Variants in LYST observed in about 807,000 individuals in gnomAD.
LYST encodes the protein lysosomal-trafficking regulator.
LYST carries 192 observed loss-of-function variants against 413.6 expected under a neutral mutation model. The ratio of observed to expected loss-of-function variants is 0.46; its 90% confidence interval spans 0.41 to 0.52. The LOEUF (loss-of-function observed/expected upper bound fraction) is 0.52, where lower values mean the gene tolerates loss of function less well. Ranked by LOEUF, LYST falls within the 20% of genes least tolerant of loss-of-function variation. LYST has a pLI of 0.00. For synonymous variants in LYST, 1,525 were observed against 1,567.3 expected, an observed-to-expected ratio of 0.97 and a Z score of 0.64; for missense variants, 3,815 against 4,499.9, an observed-to-expected ratio of 0.85 and a Z score of 4.35.
chr1:235,729,224 T>G (rs1473833558), intron 37 of LYST, among the ~76,000 whole-genome samples: 3 of 152,234 alleles, frequency 2.0e-5, no homozygotes, highest in African/African-American at 7.2e-5. Context: ...ATGGACAATC[T>G]TAAAATAGAC....
chr1:235,806,473 G>A lies in LYST; in HGVS notation c.2663C>T (p.Thr888Ile). ...GTTGATATGAACATCTTGGTTAACA[G>A]TCTTCCGTCTCTTTGGATAAGCTTC... ...LKEAYPKRRK[T>I]VNQDVHINTI... The change falls in exon 6 of 53, where the codon ACT (threonine) becomes ATT (isoleucine). Residue 888 changes from threonine to isoleucine, a missense_variant. Coordinates refer to ENST00000389793, the MANE Select transcript of LYST (RefSeq NM_000081.4). 1 of 1,614,100 alleles carries A rather than the reference G, an allele frequency of 6.2e-7. No individual in the cohort carries two copies. Among genetic ancestry groups the A allele is most frequent in the South Asian group, 1.1e-5 (1 of 91,084 alleles).
chr1:235,669,723 A>G (rs1658777606), intron 50 of LYST, among the ~76,000 whole-genome samples: 1 of 152,214 alleles, frequency 6.6e-6, no homozygotes, highest in Non-Finnish European at 1.5e-5. Context: ...CAGGCCCTTG[A>G]GCCGCTGCTT....
chr1:235,783,320 A>G (rs1670059254), intron 14 of LYST, among the ~76,000 whole-genome samples: 1 of 152,058 alleles, frequency 6.6e-6, no homozygotes, highest in South Asian at 2.1e-4. Context: ...ATTCAATGAC[A>G]TACTTCTCCT....
At chr1:235,737,958 T>TATCATTAAAAA in intron 31 of LYST, 4 of 1,280,910 alleles carry the variant, frequency 3.1e-6, no homozygotes, top group South Asian at 4.9e-5. Flanking sequence ...CCGCCGGACG[T>TATCATTAAAAA]GCATTCTCGA....
rs769284838 is a variant in LYST at position 235,792,031 on chromosome 1, T to G, written c.4211A>C (p.Asn1404Thr). ...YLTFPLLHAPNLSNGVSSQKY... is the reference protein window; with the variant it reads ...YLTFPLLHAPTLSNGVSSQKY... ...TTGTGATGAAACACCGTTGCTTAAA[T>G]TTGGAGCGTGCAGTAAAGGGAAGGT... Residue 1404 changes from asparagine to threonine, a missense_variant, in exon 12 of 53, where the codon AAT (asparagine) becomes ACT (threonine). Around this residue, in one of 4 missense-constraint regions of LYST, gnomAD observed 1,648 missense variants for 1,810.3 expected, o/e 0.91. Coordinates refer to ENST00000389793, the MANE Select transcript of LYST (RefSeq NM_000081.4). 6.2e-7 allele frequency: 1 copy of G among 1,614,060 alleles called. No homozygotes were observed. Among genetic ancestry groups the G allele is most frequent in the South Asian group, 1.1e-5 (1 of 91,084 alleles).
At chr1:235,817,519 A>C (rs1443396465) in intron 3 of LYST, among the ~76,000 whole-genome samples, 3 of 152,224 alleles carry the variant, frequency 2.0e-5, no homozygotes, top group Admixed American at 2.0e-4. Context: ...ATACATCATG[A>C]AATACTGTGC....
chr1:235,701,204 C>T (rs1661517374), intron 45 of LYST, among the ~76,000 whole-genome samples: 1 of 152,154 alleles, frequency 6.6e-6, no homozygotes, highest in South Asian at 2.1e-4. Context: ...AGGCTGGTAC[C>T]ATGTTCCCAC....
chr1:235,880,613 T>C (rs1280461304), intron 1 of LYST, among the ~76,000 whole-genome samples: 1 of 152,210 alleles, frequency 6.6e-6, no homozygotes, highest in Non-Finnish European at 1.5e-5. Flanking sequence ...TTACTGTCTG[T>C]TTTTACCAAG....
chr1:235,750,709 T>C (rs1666405260), intron 28 of LYST, among the ~76,000 whole-genome samples: 1 of 152,228 alleles, frequency 6.6e-6, no homozygotes, highest in Non-Finnish European at 1.5e-5. Context: ...CATTCTTCCT[T>C]ATTTAATATC....
intron 22 of LYST, among the ~76,000 whole-genome samples, chr1:235,760,096 A>C (rs977469109): frequency 6.6e-6 from 1 of 152,158 alleles, no homozygotes; most frequent in African/African-American, 2.4e-5. Flanking sequence ...GTGAAACTCA[A>C]TTTACCTCAG....
rs375114961 is a variant in LYST, at chr1:235,738,137, C to T, written c.8358+3285G>A. Reference sequence around the variant, plus strand: ...GTATCTTAATGAAGGACTTGGCAGGCGAACTTGCTCTTGTTGATGTCATGG... The same window carrying T: ...GTATCTTAATGAAGGACTTGGCAGGTGAACTTGCTCTTGTTGATGTCATGG... On this transcript the variant is annotated intron_variant, in intron 31 of 52. Transcript: ENST00000389793. The T allele has an allele frequency of 1.7e-5, 26 of 1,570,920 alleles. No individual in the cohort carries two copies. The African/African-American group carries it at 1.9e-4, about 11-fold the overall frequency.
At chr1:235,811,590 C>T (rs894834945) in intron 4 of LYST, among the ~76,000 whole-genome samples, 2 of 152,088 alleles carry the variant, frequency 1.3e-5, no homozygotes, top group Admixed American at 1.3e-4. Flanking sequence ...TGAATGAATT[C>T]TCCCTTTAAC....
intron 43 of LYST, among the ~76,000 whole-genome samples, chr1:235,711,014 G>A (rs1662365144): frequency 2.6e-5 from 4 of 152,186 alleles, no homozygotes; most frequent in Admixed American, 2.6e-4. Context: ...AACAGCATGA[G>A]ACACCCTGAG....
At position 235,759,102 on chromosome 1, in the gene LYST, G is replaced by A. The variant is rs778868692; in HGVS notation, c.6751C>T (p.Pro2251Ser). The part of the protein sequence containing the change: ...STIASLGLAF[P>S]SQNGSAAVGR... ...ACAGCTGCAGATCCGTTCTGTGAAG[G>A]AAAAGCTAGCCCAAGGCTTGCAATA... Residue 2251 changes from proline to serine, a missense_variant, in exon 23 of 53, where the codon CCT (proline) becomes TCT (serine). By Grantham distance (74) the Pro-to-Ser change is moderately conservative (BLOSUM62 -1). This residue lies in a region of LYST where 771 missense variants were observed against 837.1 expected (regional missense o/e 0.92). Coordinates refer to ENST00000389793, the MANE Select transcript of LYST (RefSeq NM_000081.4). 2.5e-6 allele frequency: 4 copies of A among 1,614,206 alleles called. No individual in the cohort carries two copies. The South Asian group carries it at 4.4e-5, about 18-fold the overall frequency.
At chr1:235,687,172 A>C (rs2103058931) in intron 47 of LYST, 125 bp from the exon 48 acceptor site, 1 of 719,256 alleles carries the variant, frequency 1.4e-6, no homozygotes, top group East Asian at 2.8e-5. Flanking sequence ...TTTAACTCTC[A>C]AAAATGTTAG....
At chr1:235,734,707 A>G (rs933853478) in intron 31 of LYST, 48 bp from the exon 32 acceptor site, 34 of 1,284,794 alleles carry the variant, frequency 2.6e-5, no homozygotes, top group Admixed American at 1.6e-4. Context: ...TTTAATTCTT[A>G]CATTTAAATT....
chr1:235,841,662 G>A (rs1052482872), intron 1 of LYST, among the ~76,000 whole-genome samples: 1 of 152,144 alleles, frequency 6.6e-6, no homozygotes, highest in Non-Finnish European at 1.5e-5. Context: ...AAATAAGTGT[G>A]GATTGGATCA....
At position 235,713,114 on chromosome 1, in the gene LYST, C is replaced by T. The variant is rs3768052; in HGVS notation, c.9785-917G>A. ...CTCTGCTGAGCAACATCTTCTGTCA[C>T]TTGTATTACTTTCTCATCTATTCTG... On this transcript the variant is annotated intron_variant, in intron 42 of 52. Coordinates refer to ENST00000389793, the MANE Select transcript of LYST (RefSeq NM_000081.4). The T allele has an allele frequency of 1.7e-5, 17 of 985,322 alleles. No homozygotes were observed. The East Asian group carries it at 1.9e-3, about 112-fold the overall frequency. 61.0% of individuals were successfully genotyped at this position (985,322 alleles called of 1,614,324 possible). A position where few individuals can be genotyped will look rare whatever the true frequency, so the allele number is the denominator to read the frequency against.
rs80338657 is a variant in LYST, at chr1:235,788,701, C to T, written c.4688G>A (p.Arg1563His). 1.9e-6 allele frequency: 3 copies of T among 1,613,450 alleles called. No homozygotes were observed. The highest frequency in any genetic ancestry group is 1.7e-6 in the Non-Finnish European group (2 of 1,179,630). The change falls in exon 13 of 53, where the codon CGT (arginine) becomes CAT (histidine). Residue 1563 changes from arginine (R) to histidine (H), a missense_variant and splice_region_variant. By Grantham distance (29) the Arg-to-His change is conservative. Around this residue, in one of 4 missense-constraint regions of LYST, gnomAD observed 530 missense variants for 696.5 expected, o/e 0.76. Transcript: ENST00000389793. ...ADPHNATLIF[R>H]VCMDSNDDMK... is the part of the protein sequence containing the mutation. ...ATGGGAGGCTGAGGATAATCAATACCGAAAGATAAGAGTGGCATTGTGGGG... is the reference window on the plus strand; with the variant it reads ...ATGGGAGGCTGAGGATAATCAATACTGAAAGATAAGAGTGGCATTGTGGGG...
Sources: gnomAD v4.1 joint callset for allele counts (sites outside exome capture counted in the v4.1 genomes callset) on GRCh38, gnomAD v4.1.1 for gene constraint, gnomAD v4.1.1 regional missense constraint, MANE v1.5 for transcripts, NCBI Gene and HGNC (gene_info 2026-07-23, HGNC 2026-07-21) for gene names.